GRM8: variants seen among roughly 807,000 people sequenced by gnomAD.
The protein encoded by GRM8 is glutamate metabotropic receptor 8.
Under a neutral mutation model 87.2 loss-of-function variants are expected in GRM8, and 47 were observed. The ratio of observed to expected loss-of-function variants is 0.54; its 90% CI spans 0.43 to 0.69. The LOEUF (loss-of-function observed/expected upper bound fraction) is 0.69, where lower values mean the gene tolerates loss of function less well. GRM8 is among the 30% of genes least tolerant of loss of function. The pLI is 0.00. For synonymous variants in GRM8, 396 were observed against 404.5 expected, an observed-to-expected ratio of 0.98 and a Z score of 0.25; for missense variants, 1,019 against 1,139.2, an observed-to-expected ratio of 0.89 and a Z score of 1.52.
intron 3 of GRM8, among the ~76,000 whole-genome samples, chr7:127,004,637 C>T (rs1353771252): frequency 1.3e-5 from 2 of 151,476 alleles, no homozygotes; most frequent in Non-Finnish European, 3.0e-5. Flanking sequence ...AATTGTTTTT[C>T]CCCAACTTTA....
At chr7:126,837,993 A>G (rs1158509463) in intron 6 of GRM8, among the ~76,000 whole-genome samples, 1 of 152,238 alleles carries the variant, frequency 6.6e-6, no homozygotes, top group African/African-American at 2.4e-5. Context: ...TCTTAAAGTT[A>G]AAGAGACTGT....
intron 8 of GRM8, among the ~76,000 whole-genome samples, chr7:126,583,527 G>C (rs545753024): frequency 1.3e-5 from 2 of 152,188 alleles, no homozygotes; most frequent in African/African-American, 4.8e-5. Context: ...GAACATTCAA[G>C]ATTCATTAAA....
At chr7:126,487,530 T>C (rs1418377838) in intron 9 of GRM8, among the ~76,000 whole-genome samples, 2 of 152,042 alleles carry the variant, frequency 1.3e-5, no homozygotes, top group African/African-American at 4.8e-5. Flanking sequence ...TTAATGGCAG[T>C]GTAGAAGCCA....
intron 6 of GRM8, among the ~76,000 whole-genome samples, chr7:126,895,574 T>G (rs1383823226): frequency 6.6e-6 from 1 of 152,098 alleles, no homozygotes; most frequent in South Asian, 2.1e-4. Context: ...GATATTTTTC[T>G]TTAAGAGAAT....
chr7:126,946,818 T>C (rs1807587372), intron 3 of GRM8, among the ~76,000 whole-genome samples: 1 of 152,226 alleles, frequency 6.6e-6, no homozygotes, highest in Admixed American at 6.5e-5. Context: ...AGTTAATTCA[T>C]ACATTCATCA....
At chr7:126,845,162 C>T (rs1422185133) in intron 6 of GRM8, among the ~76,000 whole-genome samples, 1 of 152,220 alleles carries the variant, frequency 6.6e-6, no homozygotes, top group Non-Finnish European at 1.5e-5. Context: ...TGAGAATTGA[C>T]TTTAATGTAA....
intron 7 of GRM8, among the ~76,000 whole-genome samples, chr7:126,715,587 C>G (rs1382003049): frequency 6.6e-6 from 1 of 152,118 alleles, no homozygotes. Context: ...TTCTAAGCTA[C>G]ATAATTTATC....
chr7:127,247,174 G>A (rs1449930949), intron 1 of GRM8, among the ~76,000 whole-genome samples: 1 of 152,214 alleles, frequency 6.6e-6, no homozygotes. Flanking sequence ...TCAAAGGGCT[G>A]AGAAGATCCA....
chr7:126,856,416 A>G (rs1445335984), intron 6 of GRM8, among the ~76,000 whole-genome samples: 2 of 152,170 alleles, frequency 1.3e-5, no homozygotes, highest in Non-Finnish European at 2.9e-5. Context: ...ATGGACATAC[A>G]GTTTGAGTGA....
chr7:127,006,753 C>T (rs892142759), intron 3 of GRM8, among the ~76,000 whole-genome samples: 3 of 151,976 alleles, frequency 2.0e-5, no homozygotes, highest in African/African-American at 7.2e-5. Context: ...AGAGTTCAGT[C>T]CTTGAACGTC....
At chr7:127,230,399 G>A (rs1203588982) in intron 2 of GRM8, among the ~76,000 whole-genome samples, 1 of 151,744 alleles carries the variant, frequency 6.6e-6, no homozygotes, top group African/African-American at 2.4e-5. Context: ...ACATGAGCTG[G>A]CATCAGGTAA....
intron 6 of GRM8, among the ~76,000 whole-genome samples, chr7:126,802,311 C>T (rs1177944942): frequency 6.6e-6 from 1 of 152,108 alleles, no homozygotes; most frequent in African/African-American, 2.4e-5. Context: ...AACTTTGTAT[C>T]CTTTGGCTAA....
At chr7:127,173,419 C>A (rs1253573988) in intron 2 of GRM8, among the ~76,000 whole-genome samples, 1 of 151,916 alleles carries the variant, frequency 6.6e-6, no homozygotes, top group Non-Finnish European at 1.5e-5. Context: ...ATGCCTGGAT[C>A]GTTCCAGGAA....
At chr7:126,467,565 C>G (rs1804647825) in intron 9 of GRM8, among the ~76,000 whole-genome samples, 1 of 151,872 alleles carries the variant, frequency 6.6e-6, no homozygotes, top group Non-Finnish European at 1.5e-5. Flanking sequence ...GTTGCTTCCA[C>G]TATTTTATTT....
chr7:126,708,821 G>A (rs938310053), intron 7 of GRM8, among the ~76,000 whole-genome samples: 1 of 152,098 alleles, frequency 6.6e-6, no homozygotes, highest in Non-Finnish European at 1.5e-5. Flanking sequence ...GGGAAACGAA[G>A]GATGTGGGGA....
chr7:126,963,787 A>C (rs899290013), intron 3 of GRM8, among the ~76,000 whole-genome samples: 2 of 152,190 alleles, frequency 1.3e-5, no homozygotes, highest in Non-Finnish European at 2.9e-5. Context: ...GCTATCATTG[A>C]CTTTCTTCAC....
intron 3 of GRM8, among the ~76,000 whole-genome samples, chr7:126,962,663 T>A (rs1046350259): frequency 6.6e-6 from 1 of 152,184 alleles, no homozygotes; most frequent in African/African-American, 2.4e-5. Context: ...TTTTAACCAA[T>A]CCTCTTCAAT....
At position 126,675,330 on chromosome 7, in the gene GRM8, C is replaced by A. The variant is rs1280702421; in HGVS notation, c.1358-65832G>T. Among the ~76,000 whole-genome samples the A allele has an allele frequency of 2.6e-5, 4 of 152,090 alleles. No individual in the cohort carries two copies. In the East Asian group the frequency reaches 7.7e-4, roughly 29 times the overall value. ...ACCATATATTCAAAAAGAATTGGTA[C>A]CAATCCTACTGAAACTATTTCAAAA... is the stretch of plus-strand genomic sequence containing the variant. On this transcript the variant is annotated intron_variant, in intron 7 of 10. Coordinates refer to ENST00000339582, the MANE Select transcript of GRM8 (RefSeq NM_000845.3).
chr7:126,709,149 A>G (rs992887282), intron 7 of GRM8, among the ~76,000 whole-genome samples: 1 of 152,200 alleles, frequency 6.6e-6, no homozygotes, highest in African/African-American at 2.4e-5. Context: ...TCCAAAGAAA[A>G]TAGACAAATG....
Sources: gnomAD v4.1 joint callset for allele counts (sites outside exome capture counted in the v4.1 genomes callset) on GRCh38, gnomAD v4.1.1 for gene constraint, MANE v1.5 for transcripts, NCBI Gene and HGNC (gene_info 2026-07-23, HGNC 2026-07-21) for gene names.